Variants in MEIS2 observed in about 807,000 individuals in gnomAD.
MEIS2 encodes Meis homeobox 2, also known as homeobox protein Meis2.
Under a neutral mutation model 58.6 loss-of-function variants are expected in MEIS2, and 9 were observed. The observed-to-expected ratio is 0.15, with a 90% CI of 0.09 to 0.27. The LOEUF is 0.27. Ranked by LOEUF, MEIS2 falls within the 10% of genes least tolerant of loss-of-function variation. The pLI, the probability that MEIS2 is intolerant of heterozygous loss-of-function variation, is 1.00. For missense variants in MEIS2, 427 were observed against 635.0 expected (o/e 0.67, Z 3.52); for synonymous variants, 221 against 228.4 (o/e 0.97, Z 0.29).
intron 8 of MEIS2, among the ~76,000 whole-genome samples, chr15:36,996,302 T>C (rs777238533): frequency 3.3e-5 from 5 of 152,000 alleles, no homozygotes; most frequent in Non-Finnish European, 5.9e-5. Flanking sequence ...CAGCTCTAGG[T>C]GTTCACACTG....
At chr15:37,099,011 C>A in intron 1 of MEIS2, 1 of 983,406 alleles carries the variant, frequency 1.0e-6, no homozygotes, top group Non-Finnish European at 1.2e-6. Flanking sequence ...GGCAGCGCGG[C>A]CCCAGCGGCG....
intron 8 of MEIS2, among the ~76,000 whole-genome samples, chr15:37,015,450 A>G (rs768148076): frequency 5.6e-5 from 8 of 143,928 alleles, no homozygotes; most frequent in Admixed American, 1.4e-4. Context: ...GTGCAGGAGT[A>G]TATCCACACA....
intron 7 of MEIS2, among the ~76,000 whole-genome samples, chr15:37,062,832 C>T (rs1413216004): frequency 6.6e-6 from 1 of 152,182 alleles, no homozygotes; most frequent in African/African-American, 2.4e-5. Flanking sequence ...GTGCCTTAAT[C>T]ATCATCCTGT....
chr15:36,996,415 C>T (rs528714722), intron 8 of MEIS2, among the ~76,000 whole-genome samples: 18 of 152,222 alleles, frequency 1.2e-4, no homozygotes, highest in African/African-American at 4.3e-4. Flanking sequence ...TCCTCCTCCC[C>T]TATTTTTTTT....
rs143464591 is a variant in MEIS2, at chr15:36,976,382, C to T, written c.901-25982G>A. 3.1e-3 allele frequency among the ~76,000 whole-genome samples: 473 copies of T among 151,766 alleles called. 1 individual carries two copies. The highest frequency in any genetic ancestry group is 0.011 in the African/African-American group (455 of 41,410). Reference sequence around the variant, plus strand: ...TACAGGCGTGAGCCACCGCGCCTGGCCTATAAAGAGATTTTTTTAAAAAGA... The same window carrying T: ...TACAGGCGTGAGCCACCGCGCCTGGTCTATAAAGAGATTTTTTTAAAAAGA... On this transcript the variant is annotated intron_variant, in intron 8 of 11. Transcript: ENST00000561208.
intron 7 of MEIS2, among the ~76,000 whole-genome samples, chr15:37,076,207 A>AAAAGC (rs112024592): frequency 6.6e-6 from 1 of 152,060 alleles, no homozygotes; most frequent in African/African-American, 2.4e-5. Context: ...TCCCCAGCAA[A>AAAAGC]AAAGCAATAA....
chr15:37,046,477 G>T (rs1266672391), intron 7 of MEIS2, among the ~76,000 whole-genome samples: 1 of 152,138 alleles, frequency 6.6e-6, no homozygotes, highest in Non-Finnish European at 1.5e-5. Flanking sequence ...AAAAAATTCA[G>T]ACTGCAGCTT....
chr15:36,942,174 C>T lies in MEIS2; in HGVS notation c.977+8150G>A, dbSNP rs1236641581. 1.3e-5 allele frequency among the ~76,000 whole-genome samples: 2 copies of T among 152,044 alleles called. 1 individual carries two copies. Among genetic ancestry groups the T allele is most frequent in the Admixed American group, 1.3e-4 (2 of 15,278 alleles). ...CTGGGAGTTAGCTGAAAATCTCCAC[C>T]GAATGATCAGTCAGCAATGACGATT... is the stretch of plus-strand genomic sequence containing the variant. On this transcript the variant is annotated intron_variant, in intron 9 of 11. Transcript: ENST00000561208.
At chr15:37,081,782 T>C (rs1430123883) in intron 7 of MEIS2, among the ~76,000 whole-genome samples, 2 of 152,142 alleles carry the variant, frequency 1.3e-5, no homozygotes, top group African/African-American at 4.8e-5. Flanking sequence ...GAGACATGAT[T>C]AAAGGAACAG....
chr15:37,057,973 T>C (rs770394909), intron 7 of MEIS2, among the ~76,000 whole-genome samples: 17 of 152,210 alleles, frequency 1.1e-4, no homozygotes, highest in Non-Finnish European at 2.4e-4. Flanking sequence ...ATCACCAACA[T>C]GGTGCTTCTT....
At chr15:36,957,634 T>C (rs1020884459) in intron 8 of MEIS2, among the ~76,000 whole-genome samples, 1 of 152,244 alleles carries the variant, frequency 6.6e-6, no homozygotes. Flanking sequence ...GTCTTTTATG[T>C]ATACATGTGC....
At chr15:37,037,104 C>A (rs2062188905) in intron 7 of MEIS2, 145 bp from the exon 8 acceptor site, 6 of 798,052 alleles carry the variant, frequency 7.5e-6, no homozygotes, top group South Asian at 2.4e-5. Flanking sequence ...ATTGGAGACA[C>A]AAATATGTAA....
intron 1 of MEIS2, 180 bp from the exon 2 acceptor site, chr15:37,098,379 G>GGGGAGAGAGAGAGAGAGA: frequency 3.4e-6 from 1 of 293,106 alleles, no homozygotes; most frequent in African/African-American, 5.2e-5. Flanking sequence ...GAGGAGAGGG[G>GGGGAGAGAGAGAGAGAGA]GAGAGAGAGA....
chr15:36,937,338 A>G (rs1292219158), intron 9 of MEIS2, among the ~76,000 whole-genome samples: 1 of 152,132 alleles, frequency 6.6e-6, no homozygotes, highest in Non-Finnish European at 1.5e-5. Context: ...GATCATCTCA[A>G]TAATTCCAAA....
chr15:37,089,373 C>T lies in MEIS2; in HGVS notation c.639+4208G>A, dbSNP rs1199319887. On this transcript the variant is annotated intron_variant, in intron 6 of 11. Coordinates refer to ENST00000561208, the MANE Select transcript of MEIS2 (RefSeq NM_170675.5). Reference sequence around the variant, plus strand: ...TTTTTCAGGTAGTAATTGAATTTATCTAGAGTCACTTGCCCATATTCTATC... The same window carrying T: ...TTTTTCAGGTAGTAATTGAATTTATTTAGAGTCACTTGCCCATATTCTATC... Among the ~76,000 whole-genome samples, 5 of 151,836 alleles carry T rather than the reference C, an allele frequency of 3.3e-5. No homozygotes were observed. In the East Asian group the frequency reaches 9.7e-4, roughly 29 times the overall value.
intron 5 of MEIS2, 85 bp from the exon 6 acceptor site, chr15:37,093,815 G>C: frequency 6.4e-7 from 1 of 1,570,410 alleles, no homozygotes; most frequent in Non-Finnish European, 8.7e-7. Context: ...AAAATACCAG[G>C]TTGCAAGGTT....
At chr15:36,892,641 C>A (rs906519139) in intron 11 of MEIS2, among the ~76,000 whole-genome samples, 182 bp from the exon 12 acceptor site, 1 of 151,852 alleles carries the variant, frequency 6.6e-6, no homozygotes, top group African/African-American at 2.4e-5. Context: ...CATTTAATTT[C>A]ATCGCACAGC....
At chr15:36,892,752 G>C (rs1462621927) in intron 11 of MEIS2, among the ~76,000 whole-genome samples, 1 of 152,128 alleles carries the variant, frequency 6.6e-6, no homozygotes, top group South Asian at 2.1e-4. Context: ...TTTGATAAAT[G>C]CAATAAGAAT....
chr15:36,996,000 T>TACACAC, intron 8 of MEIS2, among the ~76,000 whole-genome samples: 1 of 54,266 alleles, frequency 1.8e-5, no homozygotes, highest in Non-Finnish European at 5.1e-5. Context: ...TATATATATA[T>TACACAC]ATGTATATAT....
Sources: allele counts gnomAD v4.1 joint callset (sites outside exome capture counted in the v4.1 genomes callset), GRCh38; gene constraint gnomAD v4.1.1; transcripts MANE v1.5; gene names NCBI Gene and HGNC (gene_info 2026-07-23, HGNC 2026-07-21).